The following ANK2 variants were observed in gnomAD, a reference collection of about 807,000 sequenced individuals.
ANK2 encodes ankyrin-2.
A neutral mutation model predicts 360.5 loss-of-function variants in ANK2; 83 were observed. That is an observed-to-expected ratio of 0.23 (90% CI 0.19 to 0.28). The LOEUF (loss-of-function observed/expected upper bound fraction) is 0.28. ANK2 is among the 10% of genes least tolerant of loss of function. The pLI is 1.00. For synonymous variants in ANK2, 1,740 were observed against 1,759.5 expected, an observed-to-expected ratio of 0.99 and a Z score of 0.28; for missense variants, 4,201 against 4,795.7, an observed-to-expected ratio of 0.88 and a Z score of 3.66.
At chr4:113,017,471 A>G (rs927858695) in intron 2 of ANK2, among the ~76,000 whole-genome samples, 14 of 152,184 alleles carry the variant, frequency 9.2e-5, no homozygotes, top group African/African-American at 3.1e-4. Flanking sequence ...TTGGCCTGTC[A>G]TAAATAGGAA....
intron 1 of ANK2, among the ~76,000 whole-genome samples, chr4:113,082,431 G>A (rs2082786281): frequency 2.0e-5 from 3 of 152,002 alleles, no homozygotes; most frequent in African/African-American, 7.2e-5. Context: ...GAGCCACCTG[G>A]CCCAGCCAAG....
At chr4:112,862,885 T>TA (rs902482195) in intron 1 of ANK2, among the ~76,000 whole-genome samples, 36 of 149,144 alleles carry the variant, frequency 2.4e-4, no homozygotes, top group Non-Finnish European at 3.1e-4. Flanking sequence ...CTCTCTCTCT[T>TA]AAAAAAAAAA....
intron 2 of ANK2, among the ~76,000 whole-genome samples, chr4:113,024,675 G>T (rs749795815): frequency 6.6e-6 from 1 of 152,054 alleles, no homozygotes; most frequent in Non-Finnish European, 1.5e-5. Flanking sequence ...GACTCCAATG[G>T]CATTATGCAA....
At chr4:112,891,241 G>T (rs116190904) in intron 1 of ANK2, among the ~76,000 whole-genome samples, 3,029 of 152,016 alleles carry the variant, frequency 0.02, 86 homozygotes, top group African/African-American at 0.06. Flanking sequence ...TTCCTTTTTT[G>T]TTCTTCCTTC....
At chr4:112,729,137 G>T in the ANK2 span, among the ~76,000 whole-genome samples, 1 of 152,094 alleles carries the variant, frequency 6.6e-6, no homozygotes, top group Non-Finnish European at 1.5e-5. Flanking sequence ...TGCCAAGGCC[G>T]CAGTGAGGCA....
chr4:113,196,426 A>T lies in ANK2; in HGVS notation c.245A>T (p.Glu82Val). 6.2e-7 allele frequency: 1 copy of T among 1,613,636 alleles called. No homozygotes were observed. ...AKEGHVGLVQ[E>V]LLGRGSSVDS... ...GAAGGCCACGTGGGGCTGGTGCAGGAGCTGCTGGGAAGAGGGTCCTCTGTG... is the reference window on the plus strand; with the variant it reads ...GAAGGCCACGTGGGGCTGGTGCAGGTGCTGCTGGGAAGAGGGTCCTCTGTG... The change falls in exon 3 of 46, where the codon GAG (glutamate) becomes GTG (valine). Residue 82 changes from glutamate (E) to valine (V), a missense_variant. Physicochemically the swap from Glu to Val is moderately radical, Grantham distance 121. Around this residue, in one of 4 missense-constraint regions of ANK2, gnomAD observed 169 missense variants for 191.1 expected, o/e 0.88. Coordinates refer to ENST00000357077, the MANE Select transcript of ANK2 (RefSeq NM_001148.6).
chr4:112,875,252 C>G (rs186746053), intron 1 of ANK2, among the ~76,000 whole-genome samples: 1 of 152,010 alleles, frequency 6.6e-6, no homozygotes, highest in African/African-American at 2.4e-5. Flanking sequence ...CTCCTGACTT[C>G]AAGTGGTCCA....
At chr4:112,961,558 C>T (rs1438838568) in intron 2 of ANK2, among the ~76,000 whole-genome samples, 2 of 152,098 alleles carry the variant, frequency 1.3e-5, no homozygotes, top group Non-Finnish European at 2.9e-5. Flanking sequence ...CAGACCAGGA[C>T]TTGACTTTAA....
At chr4:113,279,700 ATATAT>A (rs907168297) in intron 17 of ANK2, among the ~76,000 whole-genome samples, 24 of 148,370 alleles carry the variant, frequency 1.6e-4, no homozygotes, top group African/African-American at 1.5e-4. Context: ...TTATATATAA[ATATAT>A]TATATATATC....
the ANK2 span, among the ~76,000 whole-genome samples, chr4:112,738,381 C>A: frequency 7.0e-6 from 1 of 143,612 alleles, no homozygotes; most frequent in Non-Finnish European, 1.5e-5. Context: ...CACTGTACTC[C>A]AGCCTGGGCA....
chr4:113,227,859 C>T (rs1030559205), intron 4 of ANK2, among the ~76,000 whole-genome samples: 1 of 152,162 alleles, frequency 6.6e-6, no homozygotes, highest in African/African-American at 2.4e-5. Context: ...CATTTATCAT[C>T]CAAACTGAGG....
intron 2 of ANK2, among the ~76,000 whole-genome samples, chr4:113,194,198 A>G (rs547183795): frequency 6.6e-6 from 1 of 152,330 alleles, no homozygotes; most frequent in African/African-American, 2.4e-5. Context: ...TTAATTATGA[A>G]TTTATAATAA....
the ANK2 span, chr4:112,788,002 G>A: frequency 1.4e-6 from 1 of 719,678 alleles, no homozygotes; most frequent in Non-Finnish European, 2.4e-6. Flanking sequence ...CACATATTAT[G>A]TATTACCCAA....
chr4:112,870,447 G>A lies in ANK2; in HGVS notation c.-39-34008G>A, dbSNP rs575596075. On this transcript the variant is annotated intron_variant, in intron 1 of 30. Coordinates refer to the ANK2 transcript ENST00000503271. ...TTATAGTGTTAGTCATTACATTTAGGTCTTTGATTCATTTTCCACTTTAAG... is the reference window on the plus strand; with the variant it reads ...TTATAGTGTTAGTCATTACATTTAGATCTTTGATTCATTTTCCACTTTAAG... Among the ~76,000 whole-genome samples the A allele has an allele frequency of 8.5e-5, 13 of 152,278 alleles. No homozygotes were observed. In the South Asian group the frequency reaches 2.7e-3, roughly 32 times the overall value.
intron 5 of ANK2, among the ~76,000 whole-genome samples, chr4:113,234,172 T>C (rs2099352760): frequency 6.6e-6 from 1 of 152,212 alleles, no homozygotes; most frequent in South Asian, 2.1e-4. Flanking sequence ...AGCTGTCTCA[T>C]GGCTCCTGGC....
intron 1 of ANK2, among the ~76,000 whole-genome samples, chr4:113,172,671 A>G (rs991812126): frequency 6.6e-6 from 1 of 152,204 alleles, no homozygotes; most frequent in Non-Finnish European, 1.5e-5. Context: ...AATATAATAT[A>G]TAGCACACAG....
chr4:112,778,906 A>G, the ANK2 span, among the ~76,000 whole-genome samples: 1 of 152,266 alleles, frequency 6.6e-6, no homozygotes, highest in African/African-American at 2.4e-5. Context: ...AGTGCTTTCC[A>G]CTGATTTCTG....
chr4:112,875,656 G>C (rs1165862571), intron 1 of ANK2, among the ~76,000 whole-genome samples: 1 of 151,644 alleles, frequency 6.6e-6, no homozygotes, highest in Non-Finnish European at 1.5e-5. Context: ...TTTAATTTCT[G>C]CCGTAATCAT....
intron 2 of ANK2, among the ~76,000 whole-genome samples, chr4:112,990,155 G>A (rs2046270520): frequency 6.6e-6 from 1 of 152,120 alleles, no homozygotes; most frequent in Non-Finnish European, 1.5e-5. Context: ...TGTAGTCTCA[G>A]CTACTCAGGA....
Sources: allele counts gnomAD v4.1 joint callset (sites outside exome capture counted in the v4.1 genomes callset), GRCh38; gene constraint gnomAD v4.1.1; regional missense constraint gnomAD v4.1.1; transcripts MANE v1.5; gene names NCBI Gene and HGNC (gene_info 2026-07-23, HGNC 2026-07-21).